CACNA2D3: variants seen among roughly 807,000 people sequenced by gnomAD.
CACNA2D3 encodes voltage-dependent calcium channel subunit alpha-2/delta-3.
A neutral mutation model predicts 160.6 loss-of-function variants in CACNA2D3; 60 were observed. That is an observed-to-expected ratio of 0.37 (90% CI 0.30 to 0.46). CACNA2D3 has a LOEUF of 0.46. Among genes scored for constraint, CACNA2D3 ranks in the 20% least tolerant of loss-of-function variants. The probability of loss-of-function intolerance (pLI) is 1.00; values close to 1 mark genes in which losing one functional copy is unlikely to be tolerated. For missense variants in CACNA2D3, 1,205 were observed against 1,365.0 expected, an observed-to-expected ratio of 0.88 and a Z score of 1.85; for synonymous variants, 558 against 492.9, an observed-to-expected ratio of 1.13 and a Z score of -1.75.
intron 3 of CACNA2D3, among the ~76,000 whole-genome samples, chr3:54,328,375 G>A (rs892565652): frequency 2.0e-5 from 3 of 152,074 alleles, no homozygotes; most frequent in Admixed American, 6.6e-5. Flanking sequence ...TCCGCCTCCC[G>A]GGTTCAAGCA....
chr3:54,172,664 C>T (rs1348786898), intron 2 of CACNA2D3, among the ~76,000 whole-genome samples: 1 of 152,182 alleles, frequency 6.6e-6, no homozygotes, highest in Non-Finnish European at 1.5e-5. Flanking sequence ...TCATTTTTGA[C>T]TTAACAAAAC....
At chr3:54,927,608 T>C (rs190445738) in intron 27 of CACNA2D3, among the ~76,000 whole-genome samples, 2 of 152,144 alleles carry the variant, frequency 1.3e-5, no homozygotes, top group Admixed American at 1.3e-4. Context: ...TGGTTCCACT[T>C]TTCCCCCCAA....
At chr3:54,403,633 A>C (rs1699514278) in intron 4 of CACNA2D3, among the ~76,000 whole-genome samples, 1 of 152,200 alleles carries the variant, frequency 6.6e-6, no homozygotes, top group Non-Finnish European at 1.5e-5. Flanking sequence ...AACAGAAGGA[A>C]GGAAATAATA....
chr3:54,608,134 C>T (rs1412375165), intron 9 of CACNA2D3, among the ~76,000 whole-genome samples: 7 of 152,032 alleles, frequency 4.6e-5, no homozygotes, highest in Non-Finnish European at 8.8e-5. Context: ...TAAAATTGTA[C>T]ACACAACAAA....
At chr3:54,767,344 A>T (rs775630124) in intron 13 of CACNA2D3, among the ~76,000 whole-genome samples, 18 of 152,182 alleles carry the variant, frequency 1.2e-4, no homozygotes, top group Non-Finnish European at 1.8e-4. Context: ...CCCTCAATCT[A>T]GGGAGGAAAA....
chr3:54,314,563 C>T (rs1575389574), intron 2 of CACNA2D3, among the ~76,000 whole-genome samples: 2 of 152,260 alleles, frequency 1.3e-5, no homozygotes, highest in East Asian at 1.9e-4. Context: ...TCCACACCAA[C>T]ATATATTATT....
At chr3:54,188,155 G>A (rs973109473) in intron 2 of CACNA2D3, among the ~76,000 whole-genome samples, 2 of 152,288 alleles carry the variant, frequency 1.3e-5, no homozygotes, top group Non-Finnish European at 2.9e-5. Flanking sequence ...ACTGTTAAGC[G>A]TAGGTCATGG....
intron 2 of CACNA2D3, among the ~76,000 whole-genome samples, chr3:54,277,825 C>G (rs1702781865): frequency 6.6e-6 from 1 of 152,092 alleles, no homozygotes; most frequent in Non-Finnish European, 1.5e-5. Context: ...TTGTAATTCT[C>G]CTTGAAGAGG....
chr3:54,928,431 A>G (rs1480024001), intron 27 of CACNA2D3, among the ~76,000 whole-genome samples: 1 of 152,058 alleles, frequency 6.6e-6, no homozygotes, highest in African/African-American at 2.4e-5. Flanking sequence ...GCTGGACGGG[A>G]CCCTCACCTG....
chr3:54,891,860 A>C (rs997948248), intron 25 of CACNA2D3, among the ~76,000 whole-genome samples: 6 of 152,182 alleles, frequency 3.9e-5, no homozygotes, highest in Non-Finnish European at 1.5e-5. Context: ...TCACTGTTCC[A>C]AGTCCTGTTT....
chr3:54,410,259 C>T (rs924444505), intron 4 of CACNA2D3, among the ~76,000 whole-genome samples: 1 of 152,016 alleles, frequency 6.6e-6, no homozygotes, highest in Admixed American at 6.6e-5. Flanking sequence ...GAGGCTGAGG[C>T]AGGAGAATTG....
chr3:54,261,660 A>C (rs1409740950), intron 2 of CACNA2D3, among the ~76,000 whole-genome samples: 1 of 152,216 alleles, frequency 6.6e-6, no homozygotes, highest in Non-Finnish European at 1.5e-5. Flanking sequence ...GCAGGGATAG[A>C]AGGAGACATA....
At chr3:54,498,091 C>G (rs1701230914) in intron 4 of CACNA2D3, among the ~76,000 whole-genome samples, 2 of 150,724 alleles carry the variant, frequency 1.3e-5, no homozygotes, top group South Asian at 4.2e-4. Flanking sequence ...TTAGGCTACC[C>G]TCATTAAATT....
Position 54,880,578 on chromosome 3 carries a change from G to A in CACNA2D3, c.1845-218G>A, listed in dbSNP as rs1685759425. 3.3e-5 allele frequency among the ~76,000 whole-genome samples: 5 copies of A among 152,174 alleles called. No homozygotes were observed. In the South Asian group the frequency reaches 1.0e-3, roughly 31 times the overall value. On this transcript the variant is annotated intron_variant, in intron 20 of 37. Coordinates refer to ENST00000474759, the MANE Select transcript of CACNA2D3 (RefSeq NM_018398.3). ...ACACAAAGAGTAGCCAATTGCTGCTGGCATTTCTGATCAGAAGTTACTTTG... is the reference window on the plus strand; with the variant it reads ...ACACAAAGAGTAGCCAATTGCTGCTAGCATTTCTGATCAGAAGTTACTTTG...
At chr3:54,165,672 G>A (rs56393157) in intron 2 of CACNA2D3, among the ~76,000 whole-genome samples, 39,429 of 150,782 alleles carry the variant, frequency 0.26, 5,255 homozygotes, top group East Asian at 0.35. Context: ...CTACTCCGGA[G>A]GCTGAGGTGG....
chr3:54,499,735 G>A (rs1193027437), intron 4 of CACNA2D3, among the ~76,000 whole-genome samples: 3 of 151,674 alleles, frequency 2.0e-5, no homozygotes, highest in South Asian at 2.1e-4. Context: ...ATTTCATTGT[G>A]GTCTGAGAGC....
At chr3:54,416,160 T>C (rs1371303261) in intron 4 of CACNA2D3, among the ~76,000 whole-genome samples, 1 of 152,216 alleles carries the variant, frequency 6.6e-6, no homozygotes, top group Non-Finnish European at 1.5e-5. Context: ...TCTTTTAAAA[T>C]ACAAATATGG....
At chr3:54,855,682 G>C (rs1209278781) in intron 17 of CACNA2D3, among the ~76,000 whole-genome samples, 3 of 152,176 alleles carry the variant, frequency 2.0e-5, no homozygotes, top group African/African-American at 7.2e-5. Flanking sequence ...TTTATTGATT[G>C]ATTCATTCAT....
At chr3:54,577,031 C>A (rs1702595960) in intron 8 of CACNA2D3, among the ~76,000 whole-genome samples, 1 of 151,852 alleles carries the variant, frequency 6.6e-6, no homozygotes, top group Non-Finnish European at 1.5e-5. Context: ...GTGAGTGGGA[C>A]CCGCGTTTCA....
Sources: allele counts gnomAD v4.1 joint callset (sites outside exome capture counted in the v4.1 genomes callset), GRCh38; gene constraint gnomAD v4.1.1; transcripts MANE v1.5; gene names NCBI Gene and HGNC (gene_info 2026-07-23, HGNC 2026-07-21).